LPAR5: variants seen among roughly 807,000 people sequenced by gnomAD.
The protein encoded by LPAR5 is lysophosphatidic acid receptor 5, also known as G protein-coupled receptor 92.
For synonymous variants in LPAR5, 271 were observed against 261.6 expected (o/e 1.04, Z -0.35); for missense variants, 544 against 521.8 (o/e 1.04, Z -0.41).
intron 1 of LPAR5, among the ~76,000 whole-genome samples, chr12:6,634,506 G>A (rs1161739693): frequency 2.0e-5 from 3 of 152,056 alleles, no homozygotes; most frequent in East Asian, 1.9e-4. Context: ...GGTGGCTCAA[G>A]CCTATATTTC....
rs550259203 is a variant in LPAR5, at chr12:6,619,852, C to T, written c.*278G>A. On this transcript the variant is annotated 3_prime_UTR_variant, in exon 2 of 2. Transcript: ENST00000329858. ...ATGCCCTGCCCACCCAAAGGCATTT[C>T]GTCCTCTTCTGCCCTCTGCACGGGT... 8 of 618,780 alleles carry T rather than the reference C, an allele frequency of 1.3e-5. No individual in the cohort carries two copies. The highest frequency in any genetic ancestry group is 1.3e-4 in the African/African-American group (7 of 55,506). The allele number at this position is 618,780 out of a possible 1,614,324, so 38.3% of individuals were successfully genotyped here. A position where few individuals can be genotyped will look rare whatever the true frequency, so the allele number is the denominator to read the frequency against.
intron 1 of LPAR5, among the ~76,000 whole-genome samples, chr12:6,624,868 G>T (rs184003653): frequency 6.6e-6 from 1 of 151,846 alleles, no homozygotes; most frequent in East Asian, 2.0e-4. Flanking sequence ...GATCCACCCG[G>T]CTCGGCCTCC....
intron 1 of LPAR5, among the ~76,000 whole-genome samples, chr12:6,634,296 C>T (rs966049525): frequency 2.6e-5 from 4 of 152,062 alleles, no homozygotes; most frequent in Admixed American, 6.5e-5. Flanking sequence ...TGAGCCACCA[C>T]GCTCCGCTCT....
In LPAR5 at chr12:6,620,613, G is replaced by T. The variant is rs1948884617; in HGVS notation, c.636C>A (p.Gly212=). The change falls in exon 2 of 2, where the codon GGC becomes GGA. Residue 212 remains glycine (G), a synonymous_variant. Coordinates refer to ENST00000329858, the MANE Select transcript of LPAR5 (RefSeq NM_020400.6). The surrounding 1 kb of genome is among the most constrained non-coding windows in gnomAD (Gnocchi z 6.8). The part of the protein sequence containing the change: ...LPLAAVVYSS[G]RVFWTLARPD... Reference sequence around the variant, plus strand: ...GGCGCGCCAGCGTCCAGAAGACTCGGCCCGACGAGTAGACCACCGCCGCCA... The same window carrying T: ...GGCGCGCCAGCGTCCAGAAGACTCGTCCCGACGAGTAGACCACCGCCGCCA... 1.3e-6 allele frequency: 2 copies of T among 1,551,566 alleles called. No homozygotes were observed. Among genetic ancestry groups the T allele is most frequent in the Middle Eastern group, 1.7e-4 (1 of 5,970 alleles).
Position 6,620,272 on chromosome 12 carries a change from CG to C in LPAR5, c.976del (p.Arg326GlyfsTer89), listed in dbSNP as rs1173286214. On this transcript the variant is annotated frameshift_variant, in exon 2 of 2. Transcript: ENST00000329858. LOFTEE classifies it low-confidence loss of function (END_TRUNC). The surrounding 1 kb of genome is among the most constrained non-coding windows in gnomAD (Gnocchi z 6.8). ...RARTSATNGT[R>X]AALAQSERSA... is the part of the protein sequence containing the mutation. ...CCTTTCGGATTGCGCGAGCGCCGCC[CG>C]CGTCCCGTTGGTGGCCGAGGTCCTG... is the stretch of plus-strand genomic sequence containing the variant. The C allele has an allele frequency of 1.9e-6, 3 of 1,606,160 alleles. No individual in the cohort carries two copies. The East Asian group carries it at 6.7e-5, about 36-fold the overall frequency.
intron 1 of LPAR5, among the ~76,000 whole-genome samples, chr12:6,622,595 A>T (rs1295265784): frequency 4.1e-5 from 6 of 146,754 alleles, no homozygotes; most frequent in Non-Finnish European, 1.5e-5. Flanking sequence ...CTAAAAAAAA[A>T]AAAAAATTAG....
At position 6,620,732 on chromosome 12, in the gene LPAR5, G is replaced by C. The variant is rs770686184; in HGVS notation, c.517C>G (p.Arg173Gly). The change falls in exon 2 of 2, where the codon CGC (arginine) becomes GGC (glycine). Residue 173 changes from arginine (R) to glycine (G), a missense_variant. Coordinates refer to ENST00000329858, the MANE Select transcript of LPAR5 (RefSeq NM_020400.6). The surrounding 1 kb of genome is among the most constrained non-coding windows in gnomAD (Gnocchi z 6.8). ...TCGCTGAAGCTCTCGAAGCATAGGC[G>C]CACCTCGAGGTCCCGGTAGCGGCAA... is the stretch of plus-strand genomic sequence containing the variant. ...SRCRYRDLEV[R>G]LCFESFSDEL... The C allele has an allele frequency of 6.3e-7, 1 of 1,588,132 alleles. No homozygotes were observed. The highest frequency in any genetic ancestry group is 1.3e-5 in the African/African-American group (1 of 74,690).
intron 1 of LPAR5, among the ~76,000 whole-genome samples, chr12:6,633,412 G>T (rs1217960192): frequency 6.9e-5 from 10 of 145,664 alleles, no homozygotes; most frequent in South Asian, 2.2e-4. Context: ...CCTGGGTTTT[G>T]TTTTTTTTTT....
At chr12:6,632,075 G>A (rs1361642825) in intron 1 of LPAR5, among the ~76,000 whole-genome samples, 1 of 152,000 alleles carries the variant, frequency 6.6e-6, no homozygotes. Context: ...GGATTCACGC[G>A]ATTCTCCTGC....
Position 6,620,646 on chromosome 12 carries a change from C to T in LPAR5, c.603G>A (p.Leu201=), listed in dbSNP as rs757583542. ...AGTAGACCACCGCCGCCAGGGGCAG[C>T]AGGAAGCCCAGCGCCTCGGCCAGCA... The part of the protein sequence containing the change: ...LVLLAEALGF[L]LPLAAVVYSS... The change falls in exon 2 of 2, where the codon CTG becomes CTA. Residue 201 remains leucine (L), a synonymous_variant. Coordinates refer to ENST00000329858, the MANE Select transcript of LPAR5 (RefSeq NM_020400.6). This position sits in a 1 kb window ranked among gnomAD's most constrained non-coding sequence, Gnocchi z 6.8. The T allele has an allele frequency of 6.4e-7, 1 of 1,555,022 alleles. No homozygotes were observed. The highest frequency in any genetic ancestry group is 2.4e-5 in the East Asian group (1 of 41,710).
At chr12:6,624,922 G>T in intron 1 of LPAR5, among the ~76,000 whole-genome samples, 1 of 152,120 alleles carries the variant, frequency 6.6e-6, no homozygotes, top group Non-Finnish European at 1.5e-5. Flanking sequence ...ACCTGGCCTG[G>T]AATTTCATTT....
In LPAR5 at chr12:6,618,972, A is replaced by G. The variant is rs1488023916; in HGVS notation, c.*1158T>C. 6.6e-6 allele frequency: 1 copy of G among 152,258 alleles called. No individual in the cohort carries two copies. The highest frequency in any genetic ancestry group is 2.4e-5 in the African/African-American group (1 of 41,468). 9.4% of individuals were successfully genotyped at this position (152,258 alleles called of 1,614,324 possible). The stretch of plus-strand genomic sequence containing the variant: ...AAGTATGGTTCTCAAAGTGTGATCC[A>G]GGGACCAACCCTCTGAGGAAGTCCA... On this transcript the variant is annotated 3_prime_UTR_variant, in exon 2 of 2. Coordinates refer to ENST00000329858, the MANE Select transcript of LPAR5 (RefSeq NM_020400.6).
Position 6,624,698 on chromosome 12 carries a change from G to A in LPAR5, c.-216-3234C>T, listed in dbSNP as rs547316124. The stretch of plus-strand genomic sequence containing the variant: ...TGCAATGGCACGATCTCGGCTCACC[G>A]CAACCTCTGCTTCCAGGGTTCAAGC... On this transcript the variant is annotated intron_variant, in intron 1 of 1. Coordinates refer to ENST00000329858, the MANE Select transcript of LPAR5 (RefSeq NM_020400.6). 1.4e-4 allele frequency among the ~76,000 whole-genome samples: 22 copies of A among 152,056 alleles called. No homozygotes were observed. In the South Asian group the frequency reaches 3.9e-3, roughly 27 times the overall value.
At position 6,620,218 on chromosome 12, in the gene LPAR5, G is replaced by C. The variant is rs755732156; in HGVS notation, c.1031C>G (p.Pro344Arg). The C allele has an allele frequency of 1.4e-5, 23 of 1,612,316 alleles. 1 individual carries two copies. The highest frequency in any genetic ancestry group is 2.0e-5 in the Non-Finnish European group (23 of 1,179,282). ...RSAVTTDATR[P>R]DAASQGLLRP... ...GAGCAGCCCCTGACTGGCGGCATCCGGCCTGGTGGCGTCGGTGGTGACGGC... is the reference window on the plus strand; with the variant it reads ...GAGCAGCCCCTGACTGGCGGCATCCCGCCTGGTGGCGTCGGTGGTGACGGC... The change falls in exon 2 of 2, where the codon CCG becomes CGG. Residue 344 changes from proline to arginine, a missense_variant. Pro to Arg is a moderately radical substitution (Grantham distance 103). Coordinates refer to ENST00000329858, the MANE Select transcript of LPAR5 (RefSeq NM_020400.6). The surrounding 1 kb of genome is among the most constrained non-coding windows in gnomAD (Gnocchi z 6.8).
chr12:6,630,179 A>G (rs946172460), intron 1 of LPAR5, among the ~76,000 whole-genome samples: 1 of 151,632 alleles, frequency 6.6e-6, no homozygotes, highest in African/African-American at 2.4e-5. Context: ...GCTGGAGTGC[A>G]GTATCACAAT....
At chr12:6,629,133 T>G (rs1223658565) in intron 1 of LPAR5, among the ~76,000 whole-genome samples, 1 of 145,236 alleles carries the variant, frequency 6.9e-6, no homozygotes, top group East Asian at 2.2e-4. Flanking sequence ...CCCAGCACTT[T>G]GGGAGGCCGA....
chr12:6,623,184 G>A (rs989531081), intron 1 of LPAR5, among the ~76,000 whole-genome samples: 2 of 151,932 alleles, frequency 1.3e-5, no homozygotes, highest in Non-Finnish European at 2.9e-5. Flanking sequence ...GTTGCAGTGA[G>A]CTGACATCGT....
intron 1 of LPAR5, among the ~76,000 whole-genome samples, chr12:6,632,246 C>G (rs990962789): frequency 1.3e-5 from 2 of 152,172 alleles, no homozygotes; most frequent in Non-Finnish European, 2.9e-5. Context: ...GCTGGAATTA[C>G]AGGCGTGAGC....
At chr12:6,631,136 C>T (rs1948978447) in intron 1 of LPAR5, among the ~76,000 whole-genome samples, 1 of 152,134 alleles carries the variant, frequency 6.6e-6, no homozygotes, top group Non-Finnish European at 1.5e-5. Flanking sequence ...GACATGGAGG[C>T]CCCCATAGGC....
Sources: gnomAD v4.1 joint callset for allele counts (sites outside exome capture counted in the v4.1 genomes callset) on GRCh38, gnomAD v4.1.1 for gene constraint, Gnocchi (gnomAD v3.1) non-coding constraint, MANE v1.5 for transcripts, NCBI Gene and HGNC (gene_info 2026-07-23, HGNC 2026-07-21) for gene names.